The following NUP133 variants were observed in gnomAD, a reference collection of about 807,000 sequenced individuals.
NUP133 encodes the protein nuclear pore complex protein Nup133.
In NUP133, 66 loss-of-function variants were observed where a neutral mutation model predicts 146.2. The ratio of observed to expected loss-of-function variants is 0.45; its 90% CI spans 0.37 to 0.55. The LOEUF is 0.55. NUP133 is among the 20% of genes least tolerant of loss of function. NUP133 has a pLI of 0.00. For synonymous variants in NUP133, 521 were observed against 498.8 expected (o/e 1.04, Z -0.59); for missense variants, 1,277 against 1,374.8 (o/e 0.93, Z 1.12).
intron 22 of NUP133, 72 bp from the exon 23 acceptor site, chr1:229,450,677 A>G (rs1660427650): frequency 5.6e-6 from 4 of 707,988 alleles, no homozygotes; most frequent in Non-Finnish European, 9.3e-6. Flanking sequence ...TATGGAGAAA[A>G]GAAGTCATTA....
At position 229,506,126 on chromosome 1, in the gene NUP133, G is replaced by C; in HGVS notation, c.215C>G (p.Ser72Cys). ...GTPTRMFPHHSITESVNYDVK... is the reference protein window; with the variant it reads ...GTPTRMFPHHCITESVNYDVK... ...ATCATAGTTCACAGACTCAGTTATG[G>C]AGTGGTGTGGGAACATTCGTGTTGG... The change falls in exon 2 of 26, where the codon TCC becomes TGC. Residue 72 changes from serine (S) to cysteine (C), a missense_variant. Physicochemically the swap from Ser to Cys is moderately radical, Grantham distance 112 (BLOSUM62 -1). Transcript: ENST00000261396. 1 of 1,612,734 alleles carries C rather than the reference G, an allele frequency of 6.2e-7. No individual in the cohort carries two copies. Among genetic ancestry groups the C allele is most frequent in the South Asian group, 1.1e-5 (1 of 91,032 alleles).
chr1:229,488,514 T>A (rs1254761132), intron 9 of NUP133, among the ~76,000 whole-genome samples: 2 of 152,198 alleles, frequency 1.3e-5, no homozygotes, highest in Non-Finnish European at 2.9e-5. Context: ...AAATTCTCTT[T>A]ATAGTCTTCT....
intron 19 of NUP133, among the ~76,000 whole-genome samples, chr1:229,462,717 T>A (rs570012627): frequency 6.5e-4 from 99 of 152,202 alleles, no homozygotes; most frequent in Middle Eastern, 3.4e-3. Flanking sequence ...GGTGGCATGT[T>A]TTTTAAAAAA....
chr1:229,460,712 A>G lies in NUP133; in HGVS notation c.2743T>C (p.Leu915=), dbSNP rs766818317. ...YLEKGKRGKL[L]SQPISQHGQL... ...CCATGCTGAGAAATGGGCTGAGATA[A>G]TAATTTGCCTCGCTTTCCTTTCTCC... is the stretch of plus-strand genomic sequence containing the variant. The change falls in exon 20 of 26, where the codon TTA becomes CTA. Residue 915 remains leucine, a synonymous_variant. Coordinates refer to ENST00000261396, the MANE Select transcript of NUP133 (RefSeq NM_018230.3). 1.9e-6 allele frequency: 3 copies of G among 1,614,124 alleles called. No individual in the cohort carries two copies. The South Asian group carries it at 3.3e-5, about 18-fold the overall frequency.
At chr1:229,487,666 G>A in intron 9 of NUP133, 53 bp from the exon 10 acceptor site, 6 of 1,358,080 alleles carry the variant, frequency 4.4e-6, no homozygotes, top group Non-Finnish European at 6.1e-6. Context: ...AAAAATATTT[G>A]TATGATTTTT....
intron 21 of NUP133, among the ~76,000 whole-genome samples, chr1:229,457,678 A>C (rs988780176): frequency 6.6e-5 from 10 of 151,784 alleles, no homozygotes; most frequent in Non-Finnish European, 1.5e-4. Flanking sequence ...AATATTTTTA[A>C]TTCTTTTTTC....
At position 229,452,552 on chromosome 1, in the gene NUP133, T is replaced by C. The variant is rs367562007; in HGVS notation, c.3072A>G (p.Pro1024=). ...CAATGAGTTGTGGTGCAGTCAATAC[T>C]GGCATCGCACTGAGATTTAGCTGTT... ...AEKQLNLSAM[P]VLTAPQLIGL... is the part of the protein sequence containing the mutation. The change falls in exon 22 of 26, where the codon CCA becomes CCG. Residue 1024 remains proline, a synonymous_variant. Transcript: ENST00000261396. The C allele has an allele frequency of 4.2e-5, 67 of 1,613,974 alleles. No homozygotes were observed. The highest frequency in any genetic ancestry group is 3.3e-4 in the Middle Eastern group (2 of 6,062).
intron 25 of NUP133, among the ~76,000 whole-genome samples, chr1:229,443,260 G>C (rs991005111): frequency 1.3e-5 from 2 of 149,484 alleles, no homozygotes; most frequent in Non-Finnish European, 3.0e-5. Context: ...GGCTGGTCTT[G>C]AACTCCTGAG....
rs751187460 is a variant in NUP133 at position 229,463,645 on chromosome 1, A to C, written c.2583T>G (p.Ser861=). ...LSLGQYLWAA[S]LAEKYCDFDI... is the part of the protein sequence containing the mutation. ...CAAAGTCACAGTATTTCTCTGCTAGAGAAGCAGCCCACAGGTACTGGCCTA... is the reference window on the plus strand; with the variant it reads ...CAAAGTCACAGTATTTCTCTGCTAGCGAAGCAGCCCACAGGTACTGGCCTA... Residue 861 remains serine (S), a synonymous_variant, in exon 19 of 26, where the codon TCT becomes TCG. Transcript: ENST00000261396. The C allele has an allele frequency of 1.9e-6, 3 of 1,614,048 alleles. No homozygotes were observed. In the Admixed American group the frequency reaches 5.0e-5, roughly 27 times the overall value.
chr1:229,490,962 GA>G lies in NUP133; in HGVS notation c.1047-861del, dbSNP rs1218041543. ...TGACACCCCATCTTAAAAAAAAAAA[GA>G]AAAAAAAAACAACTTGTGGAATTAT... is the stretch of plus-strand genomic sequence containing the variant. On this transcript the variant is annotated intron_variant, in intron 8 of 25. Coordinates refer to ENST00000261396, the MANE Select transcript of NUP133 (RefSeq NM_018230.3). Among the ~76,000 whole-genome samples the G allele has an allele frequency of 6.1e-3, 788 of 128,546 alleles. 7 individuals are homozygous for G. Among genetic ancestry groups the G allele is most frequent in the African/African-American group, 0.021 (747 of 35,154 alleles). The allele number at this position is 128,546 out of a possible 152,430, so 84.3% of individuals were successfully genotyped here. A position where few individuals can be genotyped will look rare whatever the true frequency, so the allele number is the denominator to read the frequency against.
chr1:229,470,976 C>T (rs1011578993), intron 14 of NUP133, among the ~76,000 whole-genome samples, 172 bp from the exon 15 acceptor site: 5 of 152,184 alleles, frequency 3.3e-5, no homozygotes, highest in African/African-American at 1.2e-4. Flanking sequence ...GACACTTCAG[C>T]CAGGCCATTA....
In NUP133 at chr1:229,490,112, A is replaced by G. The variant is rs781240223; in HGVS notation, c.1047-10T>C. 1 of 1,529,742 alleles carries G rather than the reference A, an allele frequency of 6.5e-7. No individual in the cohort carries two copies. The highest frequency in any genetic ancestry group is 8.8e-7 in the Non-Finnish European group (1 of 1,134,090). 94.8% of individuals were successfully genotyped at this position (1,529,742 alleles called of 1,614,324 possible). ...AATCACCAGCCCATCACTAATCAAT[A>G]AAAAAGGAAGATGTAAAGCCTCTCT... On this transcript the variant is annotated splice_polypyrimidine_tract_variant and intron_variant, in intron 8 of 25. Coordinates refer to ENST00000261396, the MANE Select transcript of NUP133 (RefSeq NM_018230.3).
chr1:229,449,957 G>A (rs1660409075), intron 23 of NUP133, among the ~76,000 whole-genome samples: 1 of 137,016 alleles, frequency 7.3e-6, no homozygotes, highest in Admixed American at 8.1e-5. Context: ...TTGGCTCACT[G>A]CAACCTCTGC....
rs1412833319 is a variant in NUP133, at chr1:229,472,382, T to C, written c.1852-1578A>G. The stretch of plus-strand genomic sequence containing the variant: ...GCAAGGTCATCCCAATTGCCTGCTT[T>C]ACTTTGCTTTGATTGCAGCACTGAC... On this transcript the variant is annotated intron_variant, in intron 14 of 25. Coordinates refer to ENST00000261396, the MANE Select transcript of NUP133 (RefSeq NM_018230.3). 2.6e-5 allele frequency among the ~76,000 whole-genome samples: 4 copies of C among 151,310 alleles called. No homozygotes were observed. In the East Asian group the frequency reaches 7.8e-4, roughly 30 times the overall value.
At chr1:229,469,515 C>T (rs1660904614) in intron 15 of NUP133, among the ~76,000 whole-genome samples, 1 of 152,034 alleles carries the variant, frequency 6.6e-6, no homozygotes, top group Non-Finnish European at 1.5e-5. Context: ...AAGGTGTGGG[C>T]AAGATTAAGG....
Position 229,508,209 on chromosome 1 carries a change from C to G in NUP133, c.41G>C (p.Gly14Ala). Residue 14 changes from glycine to alanine, a missense_variant, in exon 1 of 26, where the codon GGG (glycine) becomes GCG (alanine). Transcript: ENST00000261396. ...AAPSPRTPGT[G>A]SRRGPLAGLG... ...TCCGGCCAGCGGGCCCCTTCGGGAC[C>G]CGGTACCCGGGGTCCGCGGAGAAGG... 3.9e-6 allele frequency: 6 copies of G among 1,557,230 alleles called. No individual in the cohort carries two copies. Among genetic ancestry groups the G allele is most frequent in the African/African-American group, 1.4e-5 (1 of 72,276 alleles).
At chr1:229,470,087 T>G (rs1231690257) in intron 15 of NUP133, among the ~76,000 whole-genome samples, 1 of 152,088 alleles carries the variant, frequency 6.6e-6, no homozygotes, top group Non-Finnish European at 1.5e-5. Context: ...ATGGATGCAG[T>G]AGCTCACGCC....
intron 14 of NUP133, among the ~76,000 whole-genome samples, chr1:229,474,753 A>G (rs1661035528): frequency 6.6e-6 from 1 of 152,158 alleles, no homozygotes; most frequent in Non-Finnish European, 1.5e-5. Context: ...GAATCTCCTT[A>G]ACATAAAAAA....
chr1:229,461,816 C>A (rs1660697800), intron 19 of NUP133, among the ~76,000 whole-genome samples: 2 of 150,286 alleles, frequency 1.3e-5, no homozygotes, highest in Admixed American at 1.3e-4. Flanking sequence ...ATTTTAAAAT[C>A]ATGATCAGTG....
Sources: gnomAD v4.1 joint callset for allele counts (sites outside exome capture counted in the v4.1 genomes callset) on GRCh38, gnomAD v4.1.1 for gene constraint, MANE v1.5 for transcripts, NCBI Gene and HGNC (gene_info 2026-07-23, HGNC 2026-07-21) for gene names.